SPTLC3: variants seen among roughly 807,000 people sequenced by gnomAD.
The protein encoded by SPTLC3 is serine palmitoyltransferase 3.
A neutral mutation model predicts 59.3 loss-of-function variants in SPTLC3; 36 were observed. The ratio of observed to expected loss-of-function variants is 0.61; its 90% confidence interval spans 0.47 to 0.80. The LOEUF is 0.80. Among genes scored for constraint, SPTLC3 ranks in the 30% least tolerant of loss-of-function variants. SPTLC3 has a pLI of 0.00. For missense variants in SPTLC3, 625 were observed against 685.1 expected, an observed-to-expected ratio of 0.91 and a Z score of 0.98; for synonymous variants, 257 against 240.8, an observed-to-expected ratio of 1.07 and a Z score of -0.62.
intron 2 of SPTLC3, among the ~76,000 whole-genome samples, chr20:13,053,143 G>A (rs1191172326): frequency 6.6e-6 from 1 of 152,164 alleles, no homozygotes; most frequent in East Asian, 1.9e-4. Flanking sequence ...ATACAGGAGA[G>A]CTCCGGCTGG....
chr20:13,128,713 CAG>C (rs1167436121), intron 9 of SPTLC3, among the ~76,000 whole-genome samples: 1 of 151,566 alleles, frequency 6.6e-6, no homozygotes, highest in Non-Finnish European at 1.5e-5. Flanking sequence ...AAATTTGAGA[CAG>C]AGTCTTGCTC....
In SPTLC3 at chr20:13,126,586, T is replaced by A. The variant is rs750502003; in HGVS notation, c.1153-5T>A. The A allele has an allele frequency of 6.2e-7, 1 of 1,613,418 alleles. No individual in the cohort carries two copies. Among genetic ancestry groups the A allele is most frequent in the South Asian group, 1.1e-5 (1 of 90,894 alleles). ...TTCTTTTTGGGTTTCCCCTCTTTAT[T>A]TAAGGACCTCGTGGATTATTTACGG... On this transcript the variant is annotated splice_polypyrimidine_tract_variant and splice_region_variant and intron_variant, in intron 8 of 11. Transcript: ENST00000399002.
At chr20:13,029,922 G>A (rs183425106) in intron 1 of SPTLC3, among the ~76,000 whole-genome samples, 61 of 152,318 alleles carry the variant, frequency 4.0e-4, no homozygotes, top group African/African-American at 1.4e-3. Context: ...AGAGCCTTCT[G>A]CTTCTACATG....
chr20:13,057,840 A>G (rs1987790410), intron 2 of SPTLC3, among the ~76,000 whole-genome samples: 1 of 152,232 alleles, frequency 6.6e-6, no homozygotes, highest in Non-Finnish European at 1.5e-5. Context: ...TTATTTTTGC[A>G]ATGATGTAAC....
chr20:13,068,264 T>C (rs746156096), intron 2 of SPTLC3, among the ~76,000 whole-genome samples: 1 of 152,242 alleles, frequency 6.6e-6, no homozygotes, highest in Non-Finnish European at 1.5e-5. Flanking sequence ...TTCTCCAAAA[T>C]GATTGTGTCC....
Position 13,070,138 on chromosome 20 carries a change from C to T in SPTLC3, c.304-2118C>T, listed in dbSNP as rs1033691669. Among the ~76,000 whole-genome samples, 8 of 152,140 alleles carry T rather than the reference C, an allele frequency of 5.3e-5. 1 individual carries two copies. The South Asian group carries it at 8.3e-4, about 16-fold the overall frequency. On this transcript the variant is annotated intron_variant, in intron 2 of 11. Transcript: ENST00000399002. ...TATGTCTCTTTCCCTGTGAGAAAGA[C>T]ATATAAAGAGTATAATTGATTATCA...
chr20:13,102,763 C>T (rs1989649132), intron 6 of SPTLC3, among the ~76,000 whole-genome samples: 1 of 152,226 alleles, frequency 6.6e-6, no homozygotes, highest in Middle Eastern at 3.2e-3. Flanking sequence ...AGTACTTTGT[C>T]TCATTCCACA....
At chr20:13,026,363 C>CT (rs898036000) in intron 1 of SPTLC3, among the ~76,000 whole-genome samples, 3 of 151,888 alleles carry the variant, frequency 2.0e-5, no homozygotes, top group African/African-American at 7.3e-5. Context: ...TAAGTGTTCC[C>CT]TTTTTTTTGC....
chr20:13,048,826 T>C, intron 1 of SPTLC3, 119 bp from the exon 2 acceptor site: 1 of 930,290 alleles, frequency 1.1e-6, no homozygotes, highest in East Asian at 2.7e-5. Flanking sequence ...GTTTCTAATT[T>C]ATTTACAATC....
chr20:13,027,344 T>G (rs756916431), intron 1 of SPTLC3, among the ~76,000 whole-genome samples: 1 of 152,140 alleles, frequency 6.6e-6, no homozygotes, highest in African/African-American at 2.4e-5. Context: ...ATCCAGGAAG[T>G]GATCCAGTGC....
intron 1 of SPTLC3, among the ~76,000 whole-genome samples, chr20:13,012,356 GC>G (rs1456269880): frequency 1.3e-5 from 2 of 152,160 alleles, no homozygotes; most frequent in African/African-American, 4.8e-5. Context: ...TAGGTTATGA[GC>G]CCTAACAGGT....
Position 13,009,240 on chromosome 20 carries a change from C to T in SPTLC3, c.-28C>T. ...CCTGCAGAGACCTCTGAAGGAAAACCTGTCCCGGGCTCTGTCACTTCACAC... is the reference window on the plus strand; with the variant it reads ...CCTGCAGAGACCTCTGAAGGAAAACTTGTCCCGGGCTCTGTCACTTCACAC... On this transcript the variant is annotated 5_prime_UTR_variant, in exon 1 of 12. Coordinates refer to ENST00000399002, the MANE Select transcript of SPTLC3 (RefSeq NM_018327.4). 1 of 1,600,386 alleles carries T rather than the reference C, an allele frequency of 6.2e-7. No homozygotes were observed. The highest frequency in any genetic ancestry group is 8.6e-7 in the Non-Finnish European group (1 of 1,167,918).
intron 11 of SPTLC3, 107 bp downstream of exon 11, chr20:13,160,239 T>C: frequency 7.3e-7 from 1 of 1,361,484 alleles, no homozygotes; most frequent in Non-Finnish European, 9.7e-7. Context: ...TTGGGTTATT[T>C]AGGAAAACAA....
rs1242030210 is a variant in SPTLC3 at position 13,049,084 on chromosome 20, G to A, written c.257G>A (p.Trp86Ter). 5.0e-6 allele frequency: 8 copies of A among 1,613,650 alleles called. No individual in the cohort carries two copies. The highest frequency in any genetic ancestry group is 1.1e-5 in the South Asian group (1 of 91,036). ...FGYLRDFLRN[W>*]GIEKCNAAVE... The stretch of plus-strand genomic sequence containing the variant: ...TATCTCAGAGACTTTTTAAGAAACT[G>A]GGGAATAGAAAAATGCAACGCAGCT... The change falls in exon 2 of 12, where the codon TGG becomes TAG. Residue 86 changes from tryptophan to a stop codon, truncating the protein, a stop_gained. Coordinates refer to ENST00000399002, the MANE Select transcript of SPTLC3 (RefSeq NM_018327.4). LOFTEE classifies it high-confidence loss of function.
chr20:13,136,459 C>A (rs112227036), intron 9 of SPTLC3, among the ~76,000 whole-genome samples: 2 of 151,406 alleles, frequency 1.3e-5, no homozygotes, highest in African/African-American at 2.4e-5. Context: ...AATTAGATGG[C>A]GGTGGTGGCA....
At chr20:13,134,823 A>T (rs1568620750) in intron 9 of SPTLC3, among the ~76,000 whole-genome samples, 1 of 152,214 alleles carries the variant, frequency 6.6e-6, no homozygotes, top group Non-Finnish European at 1.5e-5. Context: ...AGCCCGAAAG[A>T]GAAAAGCATG....
intron 9 of SPTLC3, among the ~76,000 whole-genome samples, chr20:13,150,689 TA>T (rs1391532583): frequency 1.3e-5 from 2 of 152,212 alleles, no homozygotes; most frequent in Non-Finnish European, 2.9e-5. Flanking sequence ...TCAATTCCTG[TA>T]GTCTCACCTC....
In SPTLC3 at chr20:13,032,529, C is replaced by G. The variant is rs535800801; in HGVS notation, c.118-16416C>G. On this transcript the variant is annotated intron_variant, in intron 1 of 11. Transcript: ENST00000399002. The stretch of plus-strand genomic sequence containing the variant: ...AAGTATATACCATTCAAGGCCCAGC[C>G]AGAGGCCCATGCAAGGCCATGTTCC... Among the ~76,000 whole-genome samples, 4 of 152,304 alleles carry G rather than the reference C, an allele frequency of 2.6e-5. No homozygotes were observed. In the East Asian group the frequency reaches 7.7e-4, roughly 29 times the overall value.
At chr20:13,017,552 G>T (rs1013039186) in intron 1 of SPTLC3, among the ~76,000 whole-genome samples, 15 of 152,162 alleles carry the variant, frequency 9.9e-5, no homozygotes, top group African/African-American at 3.6e-4. Context: ...GCTGCATTTG[G>T]CCCAGGACAT....
Sources: allele counts gnomAD v4.1 joint callset (sites outside exome capture counted in the v4.1 genomes callset), GRCh38; gene constraint gnomAD v4.1.1; transcripts MANE v1.5; gene names NCBI Gene and HGNC (gene_info 2026-07-23, HGNC 2026-07-21).